STOX2: variants seen among roughly 807,000 people sequenced by gnomAD.
STOX2 encodes the protein storkhead-box protein 2.
STOX2 carries 28 observed loss-of-function variants against 60.9 expected under a neutral mutation model. The ratio of observed to expected loss-of-function variants is 0.46; its 90% CI spans 0.34 to 0.63. The LOEUF is 0.63. STOX2 is among the 30% of genes least tolerant of loss of function. The pLI is 0.01. For missense variants in STOX2, 1,024 were observed against 1,187.7 expected, an observed-to-expected ratio of 0.86 and a Z score of 2.03; for synonymous variants, 472 against 463.9, an observed-to-expected ratio of 1.02 and a Z score of -0.22.
intron 1 of STOX2, among the ~76,000 whole-genome samples, chr4:183,876,468 C>A (rs1161561934): frequency 2.6e-5 from 4 of 152,126 alleles, no homozygotes; most frequent in African/African-American, 9.7e-5. Flanking sequence ...TCTTGGTATT[C>A]CTTGTTTATG....
chr4:183,955,338 G>T (rs1743215888), intron 1 of STOX2, among the ~76,000 whole-genome samples: 1 of 152,170 alleles, frequency 6.6e-6, no homozygotes, highest in Non-Finnish European at 1.5e-5. Flanking sequence ...CGTTTTGTCT[G>T]CAGTTAATGA....
chr4:183,871,408 G>T (rs1175944636), intron 1 of STOX2, among the ~76,000 whole-genome samples: 1 of 152,160 alleles, frequency 6.6e-6, no homozygotes, highest in African/African-American at 2.4e-5. Context: ...TCTGCTTTCA[G>T]TACTAATGCC....
At chr4:183,904,253 G>A (rs967269558), upstream of STOX2, among the ~76,000 whole-genome samples, 1 of 152,240 alleles carries the variant, frequency 6.6e-6, no homozygotes, top group East Asian at 1.9e-4. Context: ...GTGCTGCCTG[G>A]TTGCTAATGG....
At chr4:183,802,498 C>A (rs1394441902) in intron 1 of STOX2, among the ~76,000 whole-genome samples, 1 of 152,102 alleles carries the variant, frequency 6.6e-6, no homozygotes, top group Non-Finnish European at 1.5e-5. Flanking sequence ...CCTCAGCCTC[C>A]CTAGTAGGTG....
chr4:183,998,688 C>T (rs575211563), intron 1 of STOX2, among the ~76,000 whole-genome samples: 29 of 152,206 alleles, frequency 1.9e-4, no homozygotes, highest in South Asian at 1.5e-3. Context: ...ACCACAGGCG[C>T]GTGCCAGCAT....
In STOX2 at chr4:184,019,009, T is replaced by A. The variant is rs949973773; in HGVS notation, c.*1725T>A. 9.8e-5 allele frequency: 15 copies of A among 152,356 alleles called. No individual in the cohort carries two copies. Among genetic ancestry groups the A allele is most frequent in the African/African-American group, 3.6e-4 (15 of 41,580 alleles). 9.4% of individuals were successfully genotyped at this position (152,356 alleles called of 1,614,324 possible). A position where few individuals can be genotyped will look rare whatever the true frequency, so the allele number is the denominator to read the frequency against. ...GATTTGTGAGACGCATCTGTTTTTG[T>A]ATGAGGTTTAATCACTAGCAATCTG... On this transcript the variant is annotated 3_prime_UTR_variant, in exon 4 of 4. Transcript: ENST00000308497.
chr4:183,940,692 T>G (rs1169990975), intron 1 of STOX2, among the ~76,000 whole-genome samples: 4 of 152,240 alleles, frequency 2.6e-5, no homozygotes, highest in Non-Finnish European at 5.9e-5. Flanking sequence ...AATTTGGTTG[T>G]ATAAAATTTA....
chr4:183,813,200 T>C lies in STOX2; in HGVS notation c.364+15145T>C, dbSNP rs191711146. ...GGAGTTGGAGACCAGTGTGTCCACA[T>C]GGTGAAAACCCGTCTCTACTAAAAA... On this transcript the variant is annotated intron_variant, in intron 1 of 2. Coordinates refer to the STOX2 transcript ENST00000513034. Among the ~76,000 whole-genome samples, 320 of 152,162 alleles carry C rather than the reference T, an allele frequency of 2.1e-3. 1 individual carries two copies. The highest frequency in any genetic ancestry group is 0.015 in the Admixed American group (229 of 15,280).
At chr4:183,868,562 A>G (rs1740623591) in intron 1 of STOX2, among the ~76,000 whole-genome samples, 1 of 152,236 alleles carries the variant, frequency 6.6e-6, no homozygotes, top group Non-Finnish European at 1.5e-5. Context: ...ACTTGAGTGA[A>G]GGTTGCTCAG....
chr4:183,868,592 G>T (rs1443603600), intron 1 of STOX2, among the ~76,000 whole-genome samples: 1 of 152,166 alleles, frequency 6.6e-6, no homozygotes, highest in African/African-American at 2.4e-5. Flanking sequence ...AAAAGTCTGG[G>T]GAAACCAGGA....
At chr4:183,929,150 T>C (rs376480993) in intron 1 of STOX2, among the ~76,000 whole-genome samples, 95 of 152,336 alleles carry the variant, frequency 6.2e-4, no homozygotes, top group African/African-American at 2.2e-3. Flanking sequence ...GATCTAGTCA[T>C]GATCAAAAAC....
At chr4:183,984,897 T>G (rs1036198895) in intron 1 of STOX2, among the ~76,000 whole-genome samples, 1 of 152,164 alleles carries the variant, frequency 6.6e-6, no homozygotes, top group African/African-American at 2.4e-5. Context: ...ATGTGATTCT[T>G]GAGCTCATCT....
chr4:183,989,170 T>G (rs1046994551), intron 1 of STOX2, among the ~76,000 whole-genome samples: 8 of 25,990 alleles, frequency 3.1e-4, no homozygotes, highest in African/African-American at 1.3e-3. Flanking sequence ...TTTTTTCTGG[T>G]TTTTTTTTTT....
intron 1 of STOX2, among the ~76,000 whole-genome samples, chr4:183,807,194 G>A (rs1019153920): frequency 3.9e-5 from 6 of 152,092 alleles, no homozygotes; most frequent in South Asian, 2.1e-4. Flanking sequence ...TGATGGTCTC[G>A]ATCTCCTGAC....
intron 1 of STOX2, among the ~76,000 whole-genome samples, chr4:183,860,695 A>G (rs999216662): frequency 7.2e-5 from 11 of 152,232 alleles, no homozygotes; most frequent in African/African-American, 2.7e-4. Context: ...AGGAAACTTC[A>G]AAGGTAAGAC....
At chr4:183,813,824 C>T (rs1350811500) in intron 1 of STOX2, among the ~76,000 whole-genome samples, 1 of 152,134 alleles carries the variant, frequency 6.6e-6, no homozygotes, top group Non-Finnish European at 1.5e-5. Context: ...ACACTCAGTA[C>T]TGACAAGGGT....
intron 1 of STOX2, among the ~76,000 whole-genome samples, chr4:183,967,371 GAAAA>G (rs60724798): frequency 1.6e-4 from 18 of 111,270 alleles, no homozygotes; most frequent in African/African-American, 5.3e-4. Flanking sequence ...CGTCTCAAGA[GAAAA>G]AAAAAAAAAA....
At chr4:183,827,503 T>C (rs796110012) in intron 1 of STOX2, among the ~76,000 whole-genome samples, 10 of 147,312 alleles carry the variant, frequency 6.8e-5, no homozygotes, top group African/African-American at 2.4e-4. Context: ...AAAAAGAAAA[T>C]AAAAATAAAA....
intron 1 of STOX2, among the ~76,000 whole-genome samples, chr4:183,957,016 T>A (rs1429109071): frequency 1.5e-5 from 1 of 64,700 alleles, no homozygotes; most frequent in Non-Finnish European, 2.7e-5. Context: ...GGGGTGGGGG[T>A]GGGGGGAGGG....
Sources: gnomAD v4.1 joint callset for allele counts (sites outside exome capture counted in the v4.1 genomes callset) on GRCh38, gnomAD v4.1.1 for gene constraint, MANE v1.5 for transcripts, NCBI Gene and HGNC (gene_info 2026-07-23, HGNC 2026-07-21) for gene names.